The following SPINK14 variants were observed in gnomAD, a reference collection of about 807,000 sequenced individuals.
SPINK14 encodes serine protease inhibitor Kazal-type 14.
Under a neutral mutation model 14.2 loss-of-function variants are expected in SPINK14, and 6 were observed. That is an observed-to-expected ratio of 0.42 (90% CI 0.23 to 0.83). SPINK14 has a LOEUF of 0.83. Ranked by LOEUF, SPINK14 falls within the 40% of genes least tolerant of loss-of-function variation. The pLI is 0.28. For missense variants in SPINK14, 86 were observed against 108.3 expected, an observed-to-expected ratio of 0.79 and a Z score of 0.91; for synonymous variants, 34 against 36.8, an observed-to-expected ratio of 0.92 and a Z score of 0.27.
chr5:148,172,983 T>C (rs377116296), intron 3 of SPINK14, among the ~76,000 whole-genome samples: 1 of 151,980 alleles, frequency 6.6e-6, no homozygotes, highest in African/African-American at 2.4e-5. Context: ...TAATGTGCAA[T>C]GAGGTTCGAC....
Position 148,171,549 on chromosome 5 carries a change from G to A in SPINK14, c.111+576G>A, listed in dbSNP as rs984777969. On this transcript the variant is annotated intron_variant, in intron 3 of 4. Coordinates refer to ENST00000356972, the MANE Select transcript of SPINK14 (RefSeq NM_001001325.2). ...CACTGCATATAATGTGAGGTCAATC[G>A]ATATTTGATAAGTGAGGGAAAAGAT... Among the ~76,000 whole-genome samples the A allele has an allele frequency of 5.3e-5, 8 of 152,072 alleles. No homozygotes were observed. In the South Asian group the frequency reaches 1.7e-3, roughly 32 times the overall value.
chr5:148,175,386 T>C lies in SPINK14; in HGVS notation c.282T>C (p.Asp94=), dbSNP rs906768116. ...ATGGAAGAATCAGGTTTTACCATGATGGAAAATGTTAGCTGAGTGGACTTG... is the reference window on the plus strand; with the variant it reads ...ATGGAAGAATCAGGTTTTACCATGACGGAAAATGTTAGCTGAGTGGACTTG... ...KSHGRIRFYH[D]GKC The change falls in exon 5 of 5, where the codon GAT becomes GAC. Residue 94 remains aspartate (D), a synonymous_variant. Coordinates refer to ENST00000356972, the MANE Select transcript of SPINK14 (RefSeq NM_001001325.2). 3.1e-6 allele frequency: 5 copies of C among 1,606,604 alleles called. No individual in the cohort carries two copies. Among genetic ancestry groups the C allele is most frequent in the Middle Eastern group, 1.7e-4 (1 of 5,850 alleles).
At chr5:148,171,482 C>A (rs564291340) in intron 3 of SPINK14, among the ~76,000 whole-genome samples, 21 of 152,098 alleles carry the variant, frequency 1.4e-4, no homozygotes, top group Admixed American at 2.6e-4. Context: ...TGGATGAGGG[C>A]AAAATGGAGA....
chr5:148,169,918 G>A (rs1561720267), intron 2 of SPINK14, 119 bp downstream of exon 2: 1 of 489,992 alleles, frequency 2.0e-6, no homozygotes, highest in South Asian at 3.9e-5. Flanking sequence ...ATATATATGT[G>A]TATATATATA....
intron 3 of SPINK14, among the ~76,000 whole-genome samples, chr5:148,172,482 T>A (rs952880455): frequency 6.6e-6 from 1 of 152,206 alleles, no homozygotes. Context: ...CAGATTCAAC[T>A]ATTTTATATC....
rs1285091476 is a variant in SPINK14, at chr5:148,175,426, C to G, written c.*28C>G. On this transcript the variant is annotated 3_prime_UTR_variant, in exon 5 of 5. Coordinates refer to ENST00000356972, the MANE Select transcript of SPINK14 (RefSeq NM_001001325.2). Reference sequence around the variant, plus strand: ...GAGTGGACTTGAATGTGGAAGATATCTTCTTTTTTTTTTCCTCCATGTCTC... The same window carrying G: ...GAGTGGACTTGAATGTGGAAGATATGTTCTTTTTTTTTTCCTCCATGTCTC... 4 of 1,485,492 alleles carry G rather than the reference C, an allele frequency of 2.7e-6. No individual in the cohort carries two copies. The highest frequency in any genetic ancestry group is 3.5e-5 in the African/African-American group (2 of 56,846). The allele number at this position is 1,485,492 out of a possible 1,614,324, so 92.0% of individuals were successfully genotyped here.
intron 1 of SPINK14, 60 bp from the exon 2 acceptor site, chr5:148,169,601 G>A (rs1271470345): frequency 2.1e-5 from 13 of 613,000 alleles, no homozygotes; most frequent in East Asian, 3.0e-5. Context: ...TACAATGGGT[G>A]GAGTAGAGAT....
At chr5:148,171,004 T>A (rs758389425) in intron 3 of SPINK14, 31 bp downstream of exon 3, 2 of 1,601,602 alleles carry the variant, frequency 1.2e-6, no homozygotes, top group African/African-American at 2.7e-5. Context: ...CCCCCAGGAC[T>A]TACATTATAA....
At chr5:148,169,619 C>G in intron 1 of SPINK14, 42 bp from the exon 2 acceptor site, 1 of 759,820 alleles carries the variant, frequency 1.3e-6, no homozygotes, top group Non-Finnish European at 2.2e-6. Context: ...GATGGCTCTT[C>G]ATTGTAAAAG....
chr5:148,170,209 T>G (rs1375316258), intron 2 of SPINK14, among the ~76,000 whole-genome samples: 16 of 149,500 alleles, frequency 1.1e-4, no homozygotes, highest in Non-Finnish European at 1.9e-4. Context: ...CATATATATA[T>G]ATATAGAGAG....
chr5:148,172,863 C>T (rs1165779235), intron 3 of SPINK14, among the ~76,000 whole-genome samples: 1 of 151,950 alleles, frequency 6.6e-6, no homozygotes, highest in Non-Finnish European at 1.5e-5. Context: ...AGCAAACTAA[C>T]GAACTTACTA....
intron 3 of SPINK14, among the ~76,000 whole-genome samples, chr5:148,172,005 A>G (rs1257874433): frequency 6.6e-6 from 1 of 152,188 alleles, no homozygotes; most frequent in African/African-American, 2.4e-5. Flanking sequence ...CCTAAGATAC[A>G]CTATTGAGGA....
At chr5:148,169,924 A>G (rs1465644806) in intron 2 of SPINK14, 125 bp downstream of exon 2, 2 of 475,604 alleles carry the variant, frequency 4.2e-6, no homozygotes, top group Admixed American at 4.2e-5. Flanking sequence ...ATGTGTATAT[A>G]TATATAAATT....
intron 3 of SPINK14, 54 bp downstream of exon 3, chr5:148,171,027 T>C: frequency 6.5e-7 from 1 of 1,539,350 alleles, no homozygotes; most frequent in Non-Finnish European, 9.0e-7. Flanking sequence ...TGAGTTCTTT[T>C]TTTTTGGAAT....
chr5:148,175,280 T>C, intron 4 of SPINK14, 73 bp from the exon 5 acceptor site: 2 of 986,914 alleles, frequency 2.0e-6, no homozygotes, highest in Non-Finnish European at 3.1e-6. Context: ...TTTAGATAGA[T>C]AATTTTAAAA....
chr5:148,170,299 A>C (rs148647708), intron 2 of SPINK14, among the ~76,000 whole-genome samples: 1 of 151,984 alleles, frequency 6.6e-6, no homozygotes, highest in African/African-American at 2.4e-5. Flanking sequence ...GATTTAACTC[A>C]TGAGGGCAAG....
Position 148,169,929 on chromosome 5 carries a change from T to TAA in SPINK14, c.67+132_67+133dup, listed in dbSNP as rs573039024. 2.8e-3 allele frequency: 1,112 copies of TAA among 397,846 alleles called. 19 individuals are homozygous for TAA. The highest frequency in any genetic ancestry group is 0.022 in the African/African-American group (1,013 of 46,348). 24.6% of individuals were successfully genotyped at this position (397,846 alleles called of 1,614,324 possible). A position where few individuals can be genotyped will look rare whatever the true frequency, so the allele number is the denominator to read the frequency against. On this transcript the variant is annotated intron_variant, in intron 2 of 4. Transcript: ENST00000356972. ...ATATATATATATGTGTATATATATA[T>TAA]AAATTATCCATTGACGTGTTGCAGA... is the stretch of plus-strand genomic sequence containing the variant.
intron 4 of SPINK14, among the ~76,000 whole-genome samples, chr5:148,174,894 A>C (rs1755147811): frequency 6.6e-6 from 1 of 152,128 alleles, no homozygotes; most frequent in African/African-American, 2.4e-5. Context: ...TATATGAGTG[A>C]GTGCATTTCA....
chr5:148,173,168 C>T (rs923829339), intron 3 of SPINK14, among the ~76,000 whole-genome samples: 2 of 148,412 alleles, frequency 1.3e-5, no homozygotes, highest in Non-Finnish European at 1.5e-5. Flanking sequence ...TAAAACATGA[C>T]CCCCTTCTTT....
Sources: allele counts gnomAD v4.1 joint callset (sites outside exome capture counted in the v4.1 genomes callset), GRCh38; gene constraint gnomAD v4.1.1; transcripts MANE v1.5; gene names NCBI Gene and HGNC (gene_info 2026-07-23, HGNC 2026-07-21).